KLHL7: variants seen among roughly 807,000 people sequenced by gnomAD.
The protein encoded by KLHL7 is kelch like family member 7, also known as kelch-like protein 7.
Under a neutral mutation model 67.4 loss-of-function variants are expected in KLHL7, and 44 were observed. The observed-to-expected ratio is 0.65, with a 90% CI of 0.51 to 0.84. KLHL7 has a LOEUF of 0.84. KLHL7 is among the 40% of genes least tolerant of loss of function. The pLI, the probability that KLHL7 is intolerant of heterozygous loss-of-function variation, is 0.00. For missense variants in KLHL7, 362 were observed against 718.1 expected, an observed-to-expected ratio of 0.50 and a Z score of 5.67; for synonymous variants, 252 against 243.3, an observed-to-expected ratio of 1.04 and a Z score of -0.33.
At chr7:23,170,970 C>T (rs1785143486) in intron 9 of KLHL7, among the ~76,000 whole-genome samples, 1 of 143,862 alleles carries the variant, frequency 7.0e-6, no homozygotes, top group Non-Finnish European at 1.5e-5. Flanking sequence ...TGCAGTGGCA[C>T]GATCTCAGCT....
rs780022787 is a variant in KLHL7 at position 23,105,902 on chromosome 7, A to G, written c.-125A>G. 6 of 1,439,832 alleles carry G rather than the reference A, an allele frequency of 4.2e-6. No individual in the cohort carries two copies. The East Asian group carries it at 7.4e-5, about 18-fold the overall frequency. 89.2% of individuals were successfully genotyped at this position (1,439,832 alleles called of 1,614,324 possible). On this transcript the variant is annotated 5_prime_UTR_variant, in exon 1 of 11. Coordinates refer to ENST00000339077, the MANE Select transcript of KLHL7 (RefSeq NM_001031710.3). ...GCCACCGCCGCCTGCCGCGCGTTCC[A>G]GAGCTGGGCGCTGCAGCTGCACTGC...
intron 6 of KLHL7, among the ~76,000 whole-genome samples, chr7:23,146,898 C>T (rs180733183): frequency 3.6e-4 from 54 of 151,578 alleles, no homozygotes; most frequent in Admixed American, 2.9e-3. Context: ...TACACACAGT[C>T]AGTTTCTCTT....
At position 23,155,610 on chromosome 7, in the gene KLHL7, G is replaced by C. The variant is rs559254219; in HGVS notation, c.936+3401G>C. The stretch of plus-strand genomic sequence containing the variant: ...ACCCGAGAGGTGGAGGTTGCAGTGA[G>C]CTGAGATCACACCACTGCACTCCAG... On this transcript the variant is annotated intron_variant, in intron 7 of 10. Transcript: ENST00000339077. 1.3e-3 allele frequency among the ~76,000 whole-genome samples: 190 copies of C among 151,352 alleles called. 4 individuals carry two copies. Among genetic ancestry groups the C allele is most frequent in the African/African-American group, 4.5e-3 (186 of 41,320 alleles).
At chr7:23,117,801 T>C in intron 1 of KLHL7, 2 of 1,562,304 alleles carry the variant, frequency 1.3e-6, no homozygotes. Context: ...TTACCCCATC[T>C]AATAAGGGCC....
chr7:23,145,817 A>T lies in KLHL7; in HGVS notation c.793+1792A>T, dbSNP rs75420885. On this transcript the variant is annotated intron_variant, in intron 6 of 10. Transcript: ENST00000339077. ...AAAATCACAACTCACTACAGCCTTG[A>T]CCTGTCCGGCACGAGTGATCCTTTC... Among the ~76,000 whole-genome samples the T allele has an allele frequency of 7.8e-3, 1,190 of 152,304 alleles. 30 individuals carry two copies. The highest frequency in any genetic ancestry group is 4.8e-3 in the Non-Finnish European group (328 of 68,024).
chr7:23,165,524 A>G (rs905782474), intron 7 of KLHL7, among the ~76,000 whole-genome samples, 174 bp from the exon 8 acceptor site: 21 of 152,224 alleles, frequency 1.4e-4, no homozygotes, highest in African/African-American at 4.3e-4. Context: ...CATCTAATCA[A>G]CATTCTGCAG....
In KLHL7 at chr7:23,113,688, G is replaced by A. The variant is rs137928487; in HGVS notation, c.120+7542G>A. ...TCTACTAAAAATACAAAAATTAGCC[G>A]GGTGACGCATGCCTGTAATCCCAGC... is the stretch of plus-strand genomic sequence containing the variant. On this transcript the variant is annotated intron_variant, in intron 1 of 10. Transcript: ENST00000339077. Among the ~76,000 whole-genome samples, 490 of 152,192 alleles carry A rather than the reference G, an allele frequency of 3.2e-3. 2 individuals carry two copies. The highest frequency in any genetic ancestry group is 0.01 in the African/African-American group (434 of 41,520).
At chr7:23,119,076 AG>A (rs1783220315) in intron 1 of KLHL7, among the ~76,000 whole-genome samples, 1 of 152,224 alleles carries the variant, frequency 6.6e-6, no homozygotes, top group African/African-American at 2.4e-5. Context: ...GTCTCAAAAA[AG>A]AAAAAGAAAA....
intron 8 of KLHL7, 90 bp downstream of exon 8, chr7:23,166,028 T>C (rs377661324): frequency 7.2e-7 from 1 of 1,388,314 alleles, no homozygotes; most frequent in Non-Finnish European, 1.0e-6. Context: ...CTGGTATTAT[T>C]TGTCCAGATA....
intron 4 of KLHL7, chr7:23,125,627 G>A (rs1260579366): frequency 1.9e-6 from 2 of 1,067,620 alleles, no homozygotes; most frequent in African/African-American, 3.2e-5. Context: ...ACTACACCTT[G>A]CTGCCTCCCC....
rs572346341 is a variant in KLHL7 at position 23,127,449 on chromosome 7, T to C, written c.442+2277T>C. Among the ~76,000 whole-genome samples, 3 of 152,276 alleles carry C rather than the reference T, an allele frequency of 2.0e-5. No homozygotes were observed. In the East Asian group the frequency reaches 5.8e-4, roughly 29 times the overall value. The stretch of plus-strand genomic sequence containing the variant: ...GCCCAGCCAGGTGAGCCAAGTGCCA[T>C]AGCCCAATAACTAGGGAAACTGCTT... On this transcript the variant is annotated intron_variant, in intron 4 of 10. Coordinates refer to ENST00000339077, the MANE Select transcript of KLHL7 (RefSeq NM_001031710.3).
At chr7:23,125,800 G>A in intron 4 of KLHL7, 1 of 1,545,742 alleles carries the variant, frequency 6.5e-7, no homozygotes, top group Non-Finnish European at 8.7e-7. Context: ...CCAGAGTGTG[G>A]TATGCTTTTC....
chr7:23,112,219 T>G lies in KLHL7; in HGVS notation c.120+6073T>G, dbSNP rs1782904826. ...GTGTCACTTATGATCTCTAGGGTTC[T>G]GGAATGCATAACTAAATGGATGATG... On this transcript the variant is annotated intron_variant, in intron 1 of 10. Transcript: ENST00000339077. 3.9e-5 allele frequency among the ~76,000 whole-genome samples: 6 copies of G among 152,208 alleles called. No individual in the cohort carries two copies. In the South Asian group the frequency reaches 1.2e-3, roughly 32 times the overall value.
chr7:23,172,009 G>A, intron 9 of KLHL7: 1 of 354,284 alleles, frequency 2.8e-6, no homozygotes, highest in South Asian at 2.1e-5. Flanking sequence ...GCGCCCGGCC[G>A]GCCATCAAAT....
At chr7:23,161,653 C>G (rs962351376) in intron 7 of KLHL7, among the ~76,000 whole-genome samples, 20 of 152,228 alleles carry the variant, frequency 1.3e-4, no homozygotes, top group South Asian at 2.1e-4. Context: ...GTGGTGCAGC[C>G]ACCACAGAAC....
intron 1 of KLHL7, 88 bp downstream of exon 1, chr7:23,106,234 T>TG: frequency 6.4e-7 from 1 of 1,556,282 alleles, no homozygotes; most frequent in East Asian, 2.4e-5. Context: ...CCGCGCCCTG[T>TG]GGATCGCGCC....
Position 23,105,919 on chromosome 7 carries a change from C to T in KLHL7, c.-108C>T, listed in dbSNP as rs1342764381. The T allele has an allele frequency of 6.7e-7, 1 of 1,495,524 alleles. No individual in the cohort carries two copies. Among genetic ancestry groups the T allele is most frequent in the Non-Finnish European group, 9.0e-7 (1 of 1,108,940 alleles). 92.6% of individuals were successfully genotyped at this position (1,495,524 alleles called of 1,614,324 possible). A position where few individuals can be genotyped will look rare whatever the true frequency, so the allele number is the denominator to read the frequency against. ...CGCGTTCCAGAGCTGGGCGCTGCAG[C>T]TGCACTGCCGATCGCCGTGTTTGGT... On this transcript the variant is annotated 5_prime_UTR_variant, in exon 1 of 11. Coordinates refer to ENST00000339077, the MANE Select transcript of KLHL7 (RefSeq NM_001031710.3).
chr7:23,124,613 G>A, intron 2 of KLHL7, 75 bp from the exon 3 acceptor site: 2 of 871,878 alleles, frequency 2.3e-6, no homozygotes, highest in Non-Finnish European at 2.0e-6. Flanking sequence ...ATTTAACATG[G>A]CCTGGAATGC....
intron 1 of KLHL7, among the ~76,000 whole-genome samples, chr7:23,108,299 T>C (rs1782727419): frequency 6.6e-6 from 1 of 152,230 alleles, no homozygotes; most frequent in Admixed American, 6.5e-5. Flanking sequence ...CTCTGTAGTA[T>C]AGTGGCCGAT....
Sources: gnomAD v4.1 joint callset for allele counts (sites outside exome capture counted in the v4.1 genomes callset) on GRCh38, gnomAD v4.1.1 for gene constraint, MANE v1.5 for transcripts, NCBI Gene and HGNC (gene_info 2026-07-23, HGNC 2026-07-21) for gene names.